The following POU2F2 variants were observed in gnomAD, a reference collection of about 807,000 sequenced individuals.
The protein encoded by POU2F2 is POU class 2 homeobox 2.
A neutral mutation model predicts 63.5 loss-of-function variants in POU2F2; 14 were observed. The ratio of observed to expected loss-of-function variants is 0.22; its 90% CI spans 0.15 to 0.34. The LOEUF (loss-of-function observed/expected upper bound fraction) is 0.34. Ranked by LOEUF, POU2F2 falls within the 10% of genes least tolerant of loss-of-function variation. The pLI, the probability that POU2F2 is intolerant of heterozygous loss-of-function variation, is 1.00. For missense variants in POU2F2, 607 were observed against 815.2 expected (o/e 0.74, Z 3.11); for synonymous variants, 306 against 348.6 (o/e 0.88, Z 1.36).
At chr19:42,194,385 A>C (rs1002689363) in intron 1 of POU2F2, among the ~76,000 whole-genome samples, 1 of 152,048 alleles carries the variant, frequency 6.6e-6, no homozygotes, top group Non-Finnish European at 1.5e-5. Context: ...CTGTTGAAAG[A>C]AGCAAAAGAA....
chr19:42,100,299 C>T (rs1411375455), intron 5 of POU2F2, among the ~76,000 whole-genome samples: 1 of 151,698 alleles, frequency 6.6e-6, no homozygotes, highest in African/African-American at 2.4e-5. Context: ...CCATGATAGC[C>T]AGGATGGTCT....
intron 5 of POU2F2, among the ~76,000 whole-genome samples, chr19:42,114,080 G>A (rs2031518606): frequency 6.6e-6 from 1 of 152,150 alleles, no homozygotes; most frequent in Non-Finnish European, 1.5e-5. Flanking sequence ...GGAGGAGTGA[G>A]AGGAAAGGAG....
At chr19:42,111,342 C>T (rs1407050636) in intron 5 of POU2F2, among the ~76,000 whole-genome samples, 2 of 151,918 alleles carry the variant, frequency 1.3e-5, no homozygotes, top group Non-Finnish European at 2.9e-5. Context: ...GTCTCGAACT[C>T]GCCTCAAGCC....
At chr19:42,177,811 C>T (rs1362349616), upstream of POU2F2, among the ~76,000 whole-genome samples, 1 of 151,648 alleles carries the variant, frequency 6.6e-6, no homozygotes, top group East Asian at 1.9e-4. Context: ...CACAGAGACA[C>T]CCAGAGATAG....
At chr19:42,118,734 G>A (rs2032225518) in intron 4 of POU2F2, among the ~76,000 whole-genome samples, 2 of 152,248 alleles carry the variant, frequency 1.3e-5, no homozygotes, top group Admixed American at 6.5e-5. Context: ...ACACACAGTG[G>A]TGGGAGAAGG....
At chr19:42,167,458 A>G (rs2034675727) in intron 1 of POU2F2, among the ~76,000 whole-genome samples, 1 of 151,802 alleles carries the variant, frequency 6.6e-6, no homozygotes, top group Non-Finnish European at 1.5e-5. Flanking sequence ...TGTCCCCCCA[A>G]ACTCCAAAAA....
intron 7 of POU2F2, among the ~76,000 whole-genome samples, chr19:42,097,195 T>G (rs1168515632): frequency 1.8e-4 from 27 of 146,716 alleles, no homozygotes; most frequent in African/African-American, 6.1e-4. Flanking sequence ...TTTTTCAGTT[T>G]TTTTTTTTTT....
At chr19:42,170,100 C>T (rs930464787) in intron 1 of POU2F2, among the ~76,000 whole-genome samples, 1 of 152,076 alleles carries the variant, frequency 6.6e-6, no homozygotes, top group Non-Finnish European at 1.5e-5. Context: ...GGGTGGTCTG[C>T]ACTGTGCTGT....
intron 5 of POU2F2, chr19:42,116,591 C>T (rs2146559364): frequency 5.3e-6 from 1 of 190,238 alleles, no homozygotes; most frequent in Non-Finnish European, 1.1e-5. Context: ...TAGGAACTGC[C>T]TGGCATGTGG....
At chr19:42,193,425 A>C (rs2035096127) in intron 1 of POU2F2, among the ~76,000 whole-genome samples, 1 of 152,158 alleles carries the variant, frequency 6.6e-6, no homozygotes, top group African/African-American at 2.4e-5. Context: ...GCAGAGGAAG[A>C]TTTGACACAG....
intron 1 of POU2F2, among the ~76,000 whole-genome samples, chr19:42,181,401 G>A (rs2034958850): frequency 6.6e-6 from 1 of 152,192 alleles, no homozygotes; most frequent in Non-Finnish European, 1.5e-5. Flanking sequence ...GGGTACAGGT[G>A]TGCATGTACA....
rs2076681279 is a variant in POU2F2 at position 42,090,646 on chromosome 19, C to CT, written c.*610dup. On this transcript the variant is annotated 3_prime_UTR_variant, in exon 15 of 15. Coordinates refer to ENST00000692977, the MANE Select transcript of POU2F2 (RefSeq NM_001394376.1). The surrounding 1 kb of genome is among the most constrained non-coding windows in gnomAD (Gnocchi z 4.4). Reference sequence around the variant, plus strand: ...TATTTGGTGTAAGGTTGTTCAGGCCCTTTCTCTTTCACCTTCTGGAAAAGA... The same window carrying CT: ...TATTTGGTGTAAGGTTGTTCAGGCCCTTTTCTCTTTCACCTTCTGGAAAAGA... 1.3e-5 allele frequency: 2 copies of CT among 152,938 alleles called. No homozygotes were observed. The highest frequency in any genetic ancestry group is 4.1e-4 in the South Asian group (2 of 4,838). The allele number at this position is 152,938 out of a possible 1,614,324, so 9.5% of individuals were successfully genotyped here.
chr19:42,133,176 G>C (rs938211480), upstream of POU2F2: 3 of 152,168 alleles, frequency 2.0e-5, no homozygotes, highest in Admixed American at 1.3e-4. The surrounding 1 kb of genome is among the most constrained non-coding windows in gnomAD (Gnocchi z 5.1). Context: ...GGGAGCACCA[G>C]GTCCCCGGGC....
In POU2F2 at chr19:42,117,492, C is replaced by T; in HGVS notation, c.187-60G>A. The stretch of plus-strand genomic sequence containing the variant: ...GGCAATCAGGCTGGCACAGGAGGAG[C>T]AGACTGGGGTGTGGACATGAGGGTG... On this transcript the variant is annotated intron_variant, in intron 4 of 14. Coordinates refer to ENST00000692977, the MANE Select transcript of POU2F2 (RefSeq NM_001394376.1). This position sits in a 1 kb window ranked among gnomAD's most constrained non-coding sequence, Gnocchi z 4.4. 1.4e-6 allele frequency: 1 copy of T among 727,200 alleles called. No homozygotes were observed. Among genetic ancestry groups the T allele is most frequent in the South Asian group, 1.7e-5 (1 of 59,598 alleles). 45.0% of individuals were successfully genotyped at this position (727,200 alleles called of 1,614,324 possible). A position where few individuals can be genotyped will look rare whatever the true frequency, so the allele number is the denominator to read the frequency against.
intron 7 of POU2F2, among the ~76,000 whole-genome samples, chr19:42,098,706 A>C (rs2077016161): frequency 1.3e-5 from 2 of 152,244 alleles, no homozygotes; most frequent in South Asian, 4.1e-4. Flanking sequence ...GACCTGTATT[A>C]GTCTCTAACT....
At chr19:42,183,084 G>A (rs2034980066) in intron 1 of POU2F2, among the ~76,000 whole-genome samples, 2 of 152,152 alleles carry the variant, frequency 1.3e-5, no homozygotes, top group African/African-American at 4.8e-5. Flanking sequence ...ATGCACACCC[G>A]GGTTCAGAAG....
At position 42,155,033 on chromosome 19, in the gene POU2F2, A is replaced by G. The variant is rs2034431029; in HGVS notation, c.-9+5299T>C. On this transcript the variant is annotated intron_variant, in intron 2 of 6. Transcript: ENST00000524801. The surrounding 1 kb of genome is among the most constrained non-coding windows in gnomAD (Gnocchi z 4.2). ...TCCACACACACCAGGGCCTTGGCCA[A>G]TTTCCTCGTACTCTGCCAGGCATGG... Among the ~76,000 whole-genome samples the G allele has an allele frequency of 6.6e-6, 1 of 152,118 alleles. No homozygotes were observed. The highest frequency in any genetic ancestry group is 2.4e-5 in the African/African-American group (1 of 41,432).
chr19:42,175,322 T>G (rs2034852629), intron 1 of POU2F2, among the ~76,000 whole-genome samples: 2 of 152,078 alleles, frequency 1.3e-5, no homozygotes, highest in African/African-American at 4.8e-5. Flanking sequence ...GGTAGGAAGT[T>G]GGGGATTCCT....
chr19:42,176,319 T>G (rs2034878959), upstream of POU2F2, among the ~76,000 whole-genome samples: 1 of 152,220 alleles, frequency 6.6e-6, no homozygotes, highest in Admixed American at 6.5e-5. Flanking sequence ...CATCGTCTTT[T>G]TATTGGTATT....
Sources: allele counts gnomAD v4.1 joint callset (sites outside exome capture counted in the v4.1 genomes callset), GRCh38; gene constraint gnomAD v4.1.1; non-coding constraint Gnocchi (gnomAD v3.1); transcripts MANE v1.5; gene names NCBI Gene and HGNC (gene_info 2026-07-23, HGNC 2026-07-21).